The following ZFHX3 variants were observed in gnomAD, a reference collection of about 807,000 sequenced individuals.
ZFHX3 encodes the protein zinc finger homeobox protein 3.
A neutral mutation model predicts 279.1 loss-of-function variants in ZFHX3; 42 were observed. The ratio of observed to expected loss-of-function variants is 0.15; its 90% CI spans 0.12 to 0.19. The LOEUF is 0.19. Ranked by LOEUF, ZFHX3 falls within the 10% of genes least tolerant of loss-of-function variation. ZFHX3 has a pLI of 1.00. For missense variants in ZFHX3, 4,981 were observed against 4,754.0 expected (o/e 1.05, Z -1.40); for synonymous variants, 2,293 against 1,957.8 (o/e 1.17, Z -4.52).
chr16:73,769,128 C>T (rs1436258095), intron 1 of ZFHX3, among the ~76,000 whole-genome samples: 1 of 152,120 alleles, frequency 6.6e-6, no homozygotes, highest in African/African-American at 2.4e-5. Flanking sequence ...TGACCTTGGA[C>T]AAGGTTCTTG....
chr16:73,644,521 C>T (rs1422802594), intron 2 of ZFHX3, among the ~76,000 whole-genome samples: 2 of 152,048 alleles, frequency 1.3e-5, no homozygotes, highest in Non-Finnish European at 2.9e-5. Flanking sequence ...ATTAGCTGGG[C>T]CTGGTGGCGG....
chr16:73,329,415 C>A (rs62057270), intron 3 of ZFHX3, among the ~76,000 whole-genome samples: 136 of 152,254 alleles, frequency 8.9e-4, no homozygotes, highest in African/African-American at 3.2e-3. Flanking sequence ...GCGTCTTGTG[C>A]GCTTAGCCAT....
intron 1 of ZFHX3, among the ~76,000 whole-genome samples, chr16:73,045,413 C>T (rs62055072): frequency 0.028 from 4,208 of 152,274 alleles, 64 homozygotes; most frequent in South Asian, 0.06. Context: ...TGCCACTGGG[C>T]TGTCCAATTG....
At chr16:73,566,128 T>C (rs2020447350) in intron 2 of ZFHX3, among the ~76,000 whole-genome samples, 1 of 152,178 alleles carries the variant, frequency 6.6e-6, no homozygotes, top group South Asian at 2.1e-4. Context: ...ATCTCTCTCC[T>C]GATAGGGCTG....
At chr16:73,307,689 A>G (rs533875084) in intron 4 of ZFHX3, among the ~76,000 whole-genome samples, 15 of 152,202 alleles carry the variant, frequency 9.9e-5, no homozygotes, top group African/African-American at 3.6e-4. Flanking sequence ...TCCTTCTCTT[A>G]TATCTGTTTG....
intron 5 of ZFHX3, among the ~76,000 whole-genome samples, chr16:73,186,980 G>C (rs1315273240): frequency 6.6e-6 from 1 of 152,202 alleles, no homozygotes; most frequent in Non-Finnish European, 1.5e-5. Context: ...TTCTGTAGGA[G>C]TGAATGTGCT....
intron 1 of ZFHX3, among the ~76,000 whole-genome samples, chr16:73,745,574 A>G (rs1175138047): frequency 6.6e-6 from 1 of 152,164 alleles, no homozygotes; most frequent in Admixed American, 6.5e-5. Context: ...ACTTTACAAA[A>G]TAGTGCTGTT....
chr16:73,613,492 G>A (rs1210421090), intron 2 of ZFHX3, among the ~76,000 whole-genome samples: 1 of 150,330 alleles, frequency 6.7e-6, no homozygotes, highest in Non-Finnish European at 1.5e-5. Context: ...GATTCATACT[G>A]AACAGTGCAC....
In ZFHX3 at chr16:72,960,168, C is replaced by T; in HGVS notation, c.-23G>A. 6.5e-7 allele frequency: 1 copy of T among 1,539,446 alleles called. No homozygotes were observed. Among genetic ancestry groups the T allele is most frequent in the Non-Finnish European group, 8.8e-7 (1 of 1,140,858 alleles). On this transcript the variant is annotated 5_prime_UTR_variant, in exon 2 of 10. It removes an upstream start codon present in the reference 5' UTR. Coordinates refer to ENST00000268489, the MANE Select transcript of ZFHX3 (RefSeq NM_006885.4). Reference sequence around the variant, plus strand: ...CATGGTAAGGCCTGCGTGGAGCTTTCATTGCACCCAGTACGGAGGCTCGGA... The same window carrying T: ...CATGGTAAGGCCTGCGTGGAGCTTTTATTGCACCCAGTACGGAGGCTCGGA...
intron 3 of ZFHX3, among the ~76,000 whole-genome samples, chr16:73,446,961 A>T (rs2018197649): frequency 6.6e-6 from 1 of 152,026 alleles, no homozygotes; most frequent in African/African-American, 2.4e-5. Context: ...TGGGTGGATC[A>T]TGAGGTCAGG....
At chr16:73,592,468 T>G (rs2052009478) in intron 2 of ZFHX3, among the ~76,000 whole-genome samples, 2 of 152,102 alleles carry the variant, frequency 1.3e-5, no homozygotes, top group Admixed American at 6.6e-5. Context: ...TTATATATAT[T>G]TATAAAGTTC....
At chr16:72,957,363 T>C in intron 2 of ZFHX3, 64 bp downstream of exon 2, 2 of 1,526,814 alleles carry the variant, frequency 1.3e-6, no homozygotes, top group Admixed American at 4.0e-5. Context: ...TATCTCACCC[T>C]ATTCACCATT....
chr16:73,203,207 T>C (rs1014360062), intron 5 of ZFHX3, among the ~76,000 whole-genome samples: 1 of 152,096 alleles, frequency 6.6e-6, no homozygotes, highest in African/African-American at 2.4e-5. Flanking sequence ...AGACTATGCA[T>C]CAACTGACTT....
chr16:73,280,157 C>T (rs1322422347), intron 4 of ZFHX3, among the ~76,000 whole-genome samples: 4 of 152,080 alleles, frequency 2.6e-5, no homozygotes, highest in Admixed American at 6.5e-5. Flanking sequence ...AGACCTGACA[C>T]CATAACACTC....
intron 1 of ZFHX3, among the ~76,000 whole-genome samples, chr16:73,840,354 G>C (rs1177908021): frequency 6.6e-6 from 1 of 152,044 alleles, no homozygotes; most frequent in Non-Finnish European, 1.5e-5. Flanking sequence ...GCAGGCAGTG[G>C]GACCACCCCT....
At chr16:73,853,698 A>G (rs1249158078) in intron 1 of ZFHX3, among the ~76,000 whole-genome samples, 1 of 152,198 alleles carries the variant, frequency 6.6e-6, no homozygotes, top group Non-Finnish European at 1.5e-5. Context: ...TGAGAGGGAG[A>G]CAAGGACTGA....
At chr16:73,599,815 G>C (rs1398724725) in intron 2 of ZFHX3, among the ~76,000 whole-genome samples, 1 of 151,568 alleles carries the variant, frequency 6.6e-6, no homozygotes, top group African/African-American at 2.4e-5. Context: ...CTCACTTCCA[G>C]GGCAGAAAAA....
At chr16:73,819,237 A>T (rs1388266809) in intron 1 of ZFHX3, among the ~76,000 whole-genome samples, 1 of 151,774 alleles carries the variant, frequency 6.6e-6, no homozygotes, top group Non-Finnish European at 1.5e-5. Flanking sequence ...TCTCAGCACT[A>T]CTGACACTTT....
chr16:73,399,234 A>T (rs2017196287), intron 3 of ZFHX3, among the ~76,000 whole-genome samples: 1 of 152,108 alleles, frequency 6.6e-6, no homozygotes, highest in South Asian at 2.1e-4. Context: ...TGGGAACCTG[A>T]GTATCTGGAT....
Sources: allele counts gnomAD v4.1 joint callset (sites outside exome capture counted in the v4.1 genomes callset), GRCh38; gene constraint gnomAD v4.1.1; transcripts MANE v1.5; gene names NCBI Gene and HGNC (gene_info 2026-07-23, HGNC 2026-07-21).